The following PLCB3 variants were observed in gnomAD, a reference collection of about 807,000 sequenced individuals.
PLCB3 encodes 1-phosphatidylinositol 4,5-bisphosphate phosphodiesterase beta-3.
Under a neutral mutation model 152.1 loss-of-function variants are expected in PLCB3, and 54 were observed. The ratio of observed to expected loss-of-function variants is 0.36; its 90% confidence interval spans 0.29 to 0.45. The LOEUF (loss-of-function observed/expected upper bound fraction) is 0.45. Among genes scored for constraint, PLCB3 ranks in the 20% least tolerant of loss-of-function variants. The probability of loss-of-function intolerance (pLI) is 1.00; values close to 1 mark genes in which losing one functional copy is unlikely to be tolerated. For synonymous variants in PLCB3, 717 were observed against 698.7 expected (o/e 1.03, Z -0.41); for missense variants, 1,248 against 1,687.5 (o/e 0.74, Z 4.56).
At position 64,267,422 on chromosome 11, in the gene PLCB3, C is replaced by T. The variant is rs2032179702; in HGVS notation, c.3571C>T (p.Leu1191=). ...GCTCCCCCAGGAGATCCGCCGGAGC[C>T]TGCTGGGCGAGATGCCGGAGGGGCT... is the stretch of plus-strand genomic sequence containing the variant. ...ARLPQEIRRS[L]LGEMPEGLGD... The change falls in exon 31 of 31, where the codon CTG becomes TTG. Residue 1191 remains leucine, a synonymous_variant. Coordinates refer to ENST00000279230, the MANE Select transcript of PLCB3 (RefSeq NM_000932.5). This position sits in a 1 kb window ranked among gnomAD's most constrained non-coding sequence, Gnocchi z 5.2. 1 of 1,544,472 alleles carries T rather than the reference C, an allele frequency of 6.5e-7. No individual in the cohort carries two copies. Among genetic ancestry groups the T allele is most frequent in the South Asian group, 1.2e-5 (1 of 83,448 alleles).
chr11:64,261,459 C>T lies in PLCB3; in HGVS notation c.1791C>T (p.Ile597=), dbSNP rs373608404. Residue 597 remains isoleucine, a synonymous_variant, in exon 15 of 31, where the codon ATC becomes ATT. Transcript: ENST00000279230. The part of the protein sequence containing the change: ...TEEMSTLVNY[I]EPVKFKSFEA... ...AGATGTCCACGCTTGTCAACTACAT[C>T]GAACCTGTCAAGTTCAAGTCCTTTG... The T allele has an allele frequency of 5.6e-6, 9 of 1,613,990 alleles. No individual in the cohort carries two copies. Among genetic ancestry groups the T allele is most frequent in the African/African-American group, 2.7e-5 (2 of 74,916 alleles).
rs1039380142 is a variant in PLCB3, at chr11:64,258,652, G to A, written c.1192G>A (p.Glu398Lys). Residue 398 changes from glutamate to lysine, a missense_variant, in exon 11 of 31, where the codon GAG becomes AAG. Physicochemically the swap from Glu to Lys is moderately conservative, Grantham distance 56 (BLOSUM62 1). Transcript: ENST00000279230. The surrounding 1 kb of genome is among the most constrained non-coding windows in gnomAD (Gnocchi z 7.2). ...PLRDVLEAIAETAFKTSPYPV... is the reference protein window; with the variant it reads ...PLRDVLEAIAKTAFKTSPYPV... ...GCGCGACGTGCTGGAGGCCATTGCC[G>A]AGACTGCCTTCAAGACCTCGCCCTA... is the stretch of plus-strand genomic sequence containing the variant. The A allele has an allele frequency of 2.5e-6, 4 of 1,613,902 alleles. No homozygotes were observed. The highest frequency in any genetic ancestry group is 3.4e-6 in the Non-Finnish European group (4 of 1,180,024).
chr11:64,253,599 C>T (rs1409631188), intron 1 of PLCB3, among the ~76,000 whole-genome samples: 1 of 152,256 alleles, frequency 6.6e-6, no homozygotes, highest in Admixed American at 6.5e-5. Flanking sequence ...CACTTGTTCA[C>T]TCTGGCCCTG....
Position 64,255,059 on chromosome 11 carries a change from C to G in PLCB3, c.387+21C>G. The stretch of plus-strand genomic sequence containing the variant: ...CCAAGGTGGGCTGGCACCAAGGGGA[C>G]GAAGGGGGAGTCACTGTCTTATTCT... On this transcript the variant is annotated intron_variant, in intron 4 of 30. Transcript: ENST00000279230. This position sits in a 1 kb window ranked among gnomAD's most constrained non-coding sequence, Gnocchi z 6.8. The G allele has an allele frequency of 6.4e-7, 1 of 1,571,612 alleles. No homozygotes were observed. Among genetic ancestry groups the G allele is most frequent in the South Asian group, 1.2e-5 (1 of 84,202 alleles).
At position 64,258,473 on chromosome 11, in the gene PLCB3, CG is replaced by C; in HGVS notation, c.1017del (p.Gln340SerfsTer44). On this transcript the variant is annotated frameshift_variant and splice_region_variant, in exon 11 of 31. Transcript: ENST00000279230. LOFTEE classifies it high-confidence loss of function. This position sits in a 1 kb window ranked among gnomAD's most constrained non-coding sequence, Gnocchi z 7.2. ...INSSHNTYLT[A>X]GQLAGTSSVE... The stretch of plus-strand genomic sequence containing the variant: ...CGGTGACAGAGCCTCGCCGCCCCAG[CG>C]GGGCAGCTGGCTGGGACCTCGTCGG... The C allele has an allele frequency of 6.2e-7, 1 of 1,611,722 alleles. No individual in the cohort carries two copies.
At chr11:64,254,867 C>G in intron 3 of PLCB3, 31 bp from the exon 4 acceptor site, 1 of 1,613,164 alleles carries the variant, frequency 6.2e-7, no homozygotes, top group Non-Finnish European at 8.5e-7. Context: ...TGCGGGAGCC[C>G]CCTCTTCACC....
chr11:64,253,461 A>G (rs1591098786), intron 1 of PLCB3, among the ~76,000 whole-genome samples: 2 of 152,284 alleles, frequency 1.3e-5, no homozygotes, highest in African/African-American at 4.8e-5. Context: ...GTGTGCGTAT[A>G]TGAGATGTAT....
At chr11:64,262,101 G>C (rs1325730449) in intron 17 of PLCB3, 25 bp downstream of exon 17, 1 of 1,613,662 alleles carries the variant, frequency 6.2e-7, no homozygotes, top group African/African-American at 1.3e-5. Context: ...CCTCCATCTT[G>C]ACCCCGACCC....
chr11:64,253,851 C>T (rs1382148008), intron 1 of PLCB3, among the ~76,000 whole-genome samples: 1 of 152,210 alleles, frequency 6.6e-6, no homozygotes, highest in East Asian at 1.9e-4. Context: ...AGCTTTGAGG[C>T]TGTGAGGACC....
chr11:64,256,813 T>C lies in PLCB3; in HGVS notation c.1012+49T>C, dbSNP rs769545226. ...CCCGTGACCTCTGCCCTGTGACCCTTGCACAGCCCCACTCCTCCTGGGGCA... is the reference window on the plus strand; with the variant it reads ...CCCGTGACCTCTGCCCTGTGACCCTCGCACAGCCCCACTCCTCCTGGGGCA... On this transcript the variant is annotated intron_variant, in intron 10 of 30. Transcript: ENST00000279230. The C allele has an allele frequency of 2.5e-6, 4 of 1,585,792 alleles. No homozygotes were observed. In the South Asian group the frequency reaches 4.5e-5, roughly 18 times the overall value.
intron 16 of PLCB3, 138 bp from the exon 17 acceptor site, chr11:64,261,814 A>G (rs1220627379): frequency 6.9e-6 from 10 of 1,445,110 alleles, no homozygotes; most frequent in Admixed American, 1.7e-5. Context: ...GGGCAGATCC[A>G]GGCAGTCTCA....
rs1052687485 is a variant in PLCB3, at chr11:64,267,463, G to A, written c.3612G>A (p.Leu1204=). Residue 1204 remains leucine, a synonymous_variant, in exon 31 of 31, where the codon CTG becomes CTA. Transcript: ENST00000279230. The surrounding 1 kb of genome is among the most constrained non-coding windows in gnomAD (Gnocchi z 5.2). ...EMPEGLGDGP[L]VACASNGHAP... ...CGGAGGGGCTGGGGGACGGGCCTCT[G>A]GTGGCCTGTGCCAGCAACGGTCACG... 4.5e-6 allele frequency: 7 copies of A among 1,560,136 alleles called. No homozygotes were observed. Among genetic ancestry groups the A allele is most frequent in the Non-Finnish European group, 6.1e-6 (7 of 1,156,742 alleles).
At chr11:64,257,837 G>A (rs1420203610) in intron 10 of PLCB3, among the ~76,000 whole-genome samples, 1 of 151,930 alleles carries the variant, frequency 6.6e-6, no homozygotes, top group Non-Finnish European at 1.5e-5. Context: ...GTTTTTAGAA[G>A]GATGATGCCA....
chr11:64,263,668 A>G (rs754654432), intron 20 of PLCB3, 23 bp from the exon 21 acceptor site: 2 of 1,610,228 alleles, frequency 1.2e-6, no homozygotes, highest in East Asian at 2.2e-5. Flanking sequence ...CAGCAACCCA[A>G]CGTTGCCTTC....
At chr11:64,263,874 G>C in intron 21 of PLCB3, 79 bp downstream of exon 21, 1 of 1,282,952 alleles carries the variant, frequency 7.8e-7, no homozygotes, top group Non-Finnish European at 1.1e-6. Context: ...GGGAGTGGCC[G>C]AGCTGGATGG....
At position 64,265,997 on chromosome 11, in the gene PLCB3, G is replaced by A. The variant is rs1310566246; in HGVS notation, c.3147G>A (p.Gln1049=). The part of the protein sequence containing the change: ...VQSLLELREA[Q]VDAEAQRRLE... ...GCCTGCTGGAGCTGCGGGAGGCCCA[G>A]GTGGACGCAGAGGCCCAGCGGAGGC... The change falls in exon 26 of 31, where the codon CAG becomes CAA. Residue 1049 remains glutamine (Q), a synonymous_variant. Transcript: ENST00000279230. The A allele has an allele frequency of 6.2e-7, 1 of 1,614,128 alleles. No individual in the cohort carries two copies. The highest frequency in any genetic ancestry group is 1.7e-5 in the Admixed American group (1 of 60,026).
At chr11:64,257,757 TC>T (rs2031615474) in intron 10 of PLCB3, among the ~76,000 whole-genome samples, 1 of 152,046 alleles carries the variant, frequency 6.6e-6, no homozygotes, top group African/African-American at 2.4e-5. Flanking sequence ...GCACTTGGAT[TC>T]ATCCTGGGTG....
In PLCB3 at chr11:64,256,488, C is replaced by G; in HGVS notation, c.811C>G (p.Gln271Glu). The G allele has an allele frequency of 6.2e-7, 1 of 1,613,902 alleles. No individual in the cohort carries two copies. Among genetic ancestry groups the G allele is most frequent in the Non-Finnish European group, 8.5e-7 (1 of 1,180,016 alleles). The change falls in exon 9 of 31, where the codon CAG (glutamine) becomes GAG (glutamate). Residue 271 changes from glutamine (Q) to glutamate (E), a missense_variant. Transcript: ENST00000279230. ...EVLYPPLRPS[Q>E]ARLLIEKYEP... ...GCTGTACCCGCCCCTGCGGCCCTCCCAGGCCCGGCTGCTCATCGAAAAGTA... is the reference window on the plus strand; with the variant it reads ...GCTGTACCCGCCCCTGCGGCCCTCCGAGGCCCGGCTGCTCATCGAAAAGTA...
intron 14 of PLCB3, among the ~76,000 whole-genome samples, chr11:64,260,760 G>A (rs1190270715): frequency 1.0e-5 from 1 of 95,540 alleles, no homozygotes; most frequent in Non-Finnish European, 1.9e-5. Flanking sequence ...GCTAAAAAGG[G>A]AGACACTATC....
Sources: allele counts gnomAD v4.1 joint callset (sites outside exome capture counted in the v4.1 genomes callset), GRCh38; gene constraint gnomAD v4.1.1; non-coding constraint Gnocchi (gnomAD v3.1); transcripts MANE v1.5; gene names NCBI Gene and HGNC (gene_info 2026-07-23, HGNC 2026-07-21).